Variants in CACNA1I observed in about 807,000 individuals in gnomAD.
CACNA1I encodes calcium voltage-gated channel subunit alpha1 I, also known as voltage-dependent T-type calcium channel subunit alpha-1I.
CACNA1I carries 74 observed loss-of-function variants against 201.6 expected under a neutral mutation model. The ratio of observed to expected loss-of-function variants is 0.37; its 90% confidence interval spans 0.30 to 0.45. CACNA1I has a LOEUF of 0.45. CACNA1I is among the 20% of genes least tolerant of loss of function. The probability of loss-of-function intolerance (pLI) is 1.00; values close to 1 mark genes in which losing one functional copy is unlikely to be tolerated. For missense variants in CACNA1I, 2,346 were observed against 3,138.1 expected (o/e 0.75, Z 6.03); for synonymous variants, 1,431 against 1,345.2 (o/e 1.06, Z -1.40).
chr22:39,585,431 C>T (rs1430521741), intron 1 of CACNA1I, among the ~76,000 whole-genome samples: 1 of 134,912 alleles, frequency 7.4e-6, no homozygotes, highest in Non-Finnish European at 1.6e-5. Flanking sequence ...CCTCTGTCAC[C>T]CAGGCTGGAG....
At chr22:39,642,209 C>G (rs1207988447) in intron 6 of CACNA1I, among the ~76,000 whole-genome samples, 1 of 152,126 alleles carries the variant, frequency 6.6e-6, no homozygotes, top group Non-Finnish European at 1.5e-5. Context: ...TGTTTTGGAA[C>G]CCTCTGCCCA....
intron 5 of CACNA1I, among the ~76,000 whole-genome samples, chr22:39,635,627 G>T (rs136814): frequency 0.15 from 22,179 of 150,132 alleles, 1,997 homozygotes; most frequent in Admixed American, 0.27. Context: ...GCACCTTGGT[G>T]GGTAAAGGCC....
chr22:39,599,009 C>T (rs1015630201), intron 2 of CACNA1I, among the ~76,000 whole-genome samples: 3 of 122,484 alleles, frequency 2.4e-5, no homozygotes, highest in Non-Finnish European at 3.2e-5. Context: ...AGTGCAGTGG[C>T]GCGATCTCGG....
chr22:39,579,274 C>T (rs1164082535), intron 1 of CACNA1I, among the ~76,000 whole-genome samples: 1 of 152,224 alleles, frequency 6.6e-6, no homozygotes, highest in Non-Finnish European at 1.5e-5. Flanking sequence ...TGCCAACTCT[C>T]CAACCATGGC....
In CACNA1I at chr22:39,680,992, G is replaced by T. The variant is rs776265869; in HGVS notation, c.5604G>T (p.Leu1868=). The stretch of plus-strand genomic sequence containing the variant: ...CAGACAGGTCCTCGTCCATCCTGCT[G>T]GGTGACGACCTGAGTCTCGAGGACC... ...LNSDRSSSIL[L]GDDLSLEDPT... The change falls in exon 34 of 37, where the codon CTG becomes CTT. Residue 1868 remains leucine, a synonymous_variant. Transcript: ENST00000402142. 8.7e-6 allele frequency: 14 copies of T among 1,611,852 alleles called. No individual in the cohort carries two copies.
In CACNA1I at chr22:39,629,757, G is replaced by T. The variant is rs189254315; in HGVS notation, c.581-4808G>T. On this transcript the variant is annotated intron_variant, in intron 4 of 36. Coordinates refer to ENST00000402142, the MANE Select transcript of CACNA1I (RefSeq NM_021096.4). This position sits in a 1 kb window ranked among gnomAD's most constrained non-coding sequence, Gnocchi z 4.8. ...CGACCACACAGCTGTGGAGCCCACA[G>T]GCCTGACCCCCTTTCAGAGATGTGT... Among the ~76,000 whole-genome samples, 84 of 152,248 alleles carry T rather than the reference G, an allele frequency of 5.5e-4. No homozygotes were observed. The highest frequency in any genetic ancestry group is 5.4e-3 in the Admixed American group (83 of 15,302).
In CACNA1I at chr22:39,661,193, G is replaced by T; in HGVS notation, c.2784G>T (p.Gly928=). Residue 928 remains glycine (G), a synonymous_variant, in exon 16 of 37, where the codon GGG becomes GGT. Coordinates refer to ENST00000402142, the MANE Select transcript of CACNA1I (RefSeq NM_021096.4). The part of the protein sequence containing the change: ...LPLGGHLGPA[G]AAGPAPRLSL... ...TGGGTGGGCACCTAGGTCCTGCTGG[G>T]GCTGCGGGACCTGCCCCCCGACTCT... 6.2e-7 allele frequency: 1 copy of T among 1,612,560 alleles called. No homozygotes were observed. Among genetic ancestry groups the T allele is most frequent in the Non-Finnish European group, 8.5e-7 (1 of 1,179,506 alleles).
intron 5 of CACNA1I, among the ~76,000 whole-genome samples, chr22:39,639,212 C>T (rs866985464): frequency 1.3e-5 from 2 of 152,328 alleles, no homozygotes; most frequent in African/African-American, 4.8e-5. Context: ...GGACAGAGGC[C>T]ATGTGCTCTG....
At position 39,571,382 on chromosome 22, in the gene CACNA1I, G is replaced by T. The variant is rs1185101397; in HGVS notation, c.236+394G>T. On this transcript the variant is annotated intron_variant, in intron 1 of 36. Transcript: ENST00000402142. ...ATCAGGAACTGTGGGCGTGGGCAGC[G>T]GGGCAGCCGATCCCAACACACAGGG... is the stretch of plus-strand genomic sequence containing the variant. Among the ~76,000 whole-genome samples the T allele has an allele frequency of 2.7e-5, 4 of 150,370 alleles. No homozygotes were observed. The East Asian group carries it at 8.4e-4, about 32-fold the overall frequency.
Position 39,666,452 on chromosome 22 carries a change from C to T in CACNA1I, c.4104+446C>T, listed in dbSNP as rs567233367. Among the ~76,000 whole-genome samples, 2 of 152,280 alleles carry T rather than the reference C, an allele frequency of 1.3e-5. No individual in the cohort carries two copies. Among genetic ancestry groups the T allele is most frequent in the African/African-American group, 2.4e-5 (1 of 41,568 alleles). On this transcript the variant is annotated intron_variant, in intron 23 of 36. Coordinates refer to ENST00000402142, the MANE Select transcript of CACNA1I (RefSeq NM_021096.4). The surrounding 1 kb of genome is among the most constrained non-coding windows in gnomAD (Gnocchi z 4.1). ...ATGAAAGGATATCAAGCCCTTGGCC[C>T]GGGGTGGTACTCTCTCCCCTCACCC...
chr22:39,636,264 G>A (rs898054516), intron 5 of CACNA1I, among the ~76,000 whole-genome samples: 3 of 152,354 alleles, frequency 2.0e-5, no homozygotes, highest in Admixed American at 6.5e-5. Flanking sequence ...TGTCTCGGCT[G>A]CAAAAGGAGA....
chr22:39,581,789 G>C (rs1210354468), intron 1 of CACNA1I, among the ~76,000 whole-genome samples: 1 of 152,208 alleles, frequency 6.6e-6, no homozygotes, highest in Non-Finnish European at 1.5e-5. Flanking sequence ...TAATCAGCCA[G>C]GATGTCTTCT....
chr22:39,661,893 G>A, intron 16 of CACNA1I, 72 bp from the exon 17 acceptor site: 2 of 1,027,994 alleles, frequency 1.9e-6, no homozygotes, highest in South Asian at 1.7e-5. Flanking sequence ...GGTGCAGGCT[G>A]CCTTTGGGCA....
chr22:39,586,390 G>C (rs6001627), intron 1 of CACNA1I, among the ~76,000 whole-genome samples: 1 of 152,194 alleles, frequency 6.6e-6, no homozygotes, highest in South Asian at 2.1e-4. Context: ...CACTTGGGAA[G>C]TGGAGGCAGG....
intron 5 of CACNA1I, among the ~76,000 whole-genome samples, chr22:39,635,744 G>A (rs375075812): frequency 2.0e-5 from 3 of 152,204 alleles, no homozygotes; most frequent in African/African-American, 7.2e-5. Flanking sequence ...CAGCTGCTTC[G>A]AAGTCAGGGT....
chr22:39,589,923 A>G (rs1932802159), intron 1 of CACNA1I, among the ~76,000 whole-genome samples: 1 of 152,194 alleles, frequency 6.6e-6, no homozygotes, highest in Non-Finnish European at 1.5e-5. Flanking sequence ...AGATTTGACA[A>G]AAATAAAAAC....
intron 3 of CACNA1I, among the ~76,000 whole-genome samples, chr22:39,615,583 C>T (rs150619449): frequency 3.3e-5 from 5 of 152,248 alleles, no homozygotes; most frequent in Non-Finnish European, 4.4e-5. Context: ...CTTAAACCCA[C>T]AATTCCTCCC....
intron 1 of CACNA1I, among the ~76,000 whole-genome samples, chr22:39,573,603 C>T (rs1214532732): frequency 3.9e-5 from 6 of 152,186 alleles, no homozygotes; most frequent in African/African-American, 7.2e-5. Flanking sequence ...TAGCCACACA[C>T]GCCATGGGGG....
intron 6 of CACNA1I, among the ~76,000 whole-genome samples, chr22:39,642,030 G>T (rs1260445649): frequency 1.3e-5 from 2 of 152,192 alleles, no homozygotes; most frequent in Non-Finnish European, 2.9e-5. Flanking sequence ...CAGAGGGGGA[G>T]CTGAGAAGTC....
Sources: allele counts gnomAD v4.1 joint callset (sites outside exome capture counted in the v4.1 genomes callset), GRCh38; gene constraint gnomAD v4.1.1; non-coding constraint Gnocchi (gnomAD v3.1); transcripts MANE v1.5; gene names NCBI Gene and HGNC (gene_info 2026-07-23, HGNC 2026-07-21).